The following FGF14 variants were observed in gnomAD, a reference collection of about 807,000 sequenced individuals.
The protein encoded by FGF14 is fibroblast growth factor 14, also known as fibroblast growth factor homologous factor 4.
Under a neutral mutation model 25.5 loss-of-function variants are expected in FGF14, and 5 were observed. The observed-to-expected ratio is 0.20, with a 90% CI of 0.10 to 0.41. The LOEUF is 0.41. Among genes scored for constraint, FGF14 ranks in the 10% least tolerant of loss-of-function variants. The probability of loss-of-function intolerance (pLI) is 1.00; values close to 1 mark genes in which losing one functional copy is unlikely to be tolerated. For synonymous variants in FGF14, 138 were observed against 118.3 expected (o/e 1.17, Z -1.08); for missense variants, 222 against 320.1 (o/e 0.69, Z 2.34).
intron 1 of FGF14, among the ~76,000 whole-genome samples, chr13:102,097,915 C>T (rs2044477421): frequency 6.6e-6 from 1 of 152,182 alleles, no homozygotes; most frequent in South Asian, 2.1e-4. Flanking sequence ...GCCCTGCTCC[C>T]ATTCGTCACC....
At chr13:101,761,404 A>G (rs1313366290) in intron 3 of FGF14, among the ~76,000 whole-genome samples, 1 of 152,162 alleles carries the variant, frequency 6.6e-6, no homozygotes, top group East Asian at 1.9e-4. Flanking sequence ...GGTATTTTAA[A>G]GACCACAGTG....
At chr13:102,300,528 C>G (rs2054976588) in intron 1 of FGF14, among the ~76,000 whole-genome samples, 2 of 152,116 alleles carry the variant, frequency 1.3e-5, no homozygotes, top group South Asian at 4.1e-4. Flanking sequence ...AAGAGCAAAA[C>G]TTCTACATAA....
In FGF14 at chr13:101,711,902, T is replaced by C. The variant is rs2034484936; in HGVS notation, c.*10929A>G. ...AAAACTCCTGCCAAGATCAGCCAGCTGTTCTCTGGCTAGGCTGGGTCTCAG... is the reference window on the plus strand; with the variant it reads ...AAAACTCCTGCCAAGATCAGCCAGCCGTTCTCTGGCTAGGCTGGGTCTCAG... On this transcript the variant is annotated 3_prime_UTR_variant, in exon 5 of 5. Coordinates refer to ENST00000376143, the MANE Select transcript of FGF14 (RefSeq NM_004115.4). The C allele has an allele frequency of 6.6e-6, 1 of 152,324 alleles. No homozygotes were observed. The highest frequency in any genetic ancestry group is 2.1e-4 in the South Asian group (1 of 4,834). The allele number at this position is 152,324 out of a possible 1,614,324, so 9.4% of individuals were successfully genotyped here. A position where few individuals can be genotyped will look rare whatever the true frequency, so the allele number is the denominator to read the frequency against.
intron 3 of FGF14, among the ~76,000 whole-genome samples, chr13:101,769,831 A>G (rs72660340): frequency 6.6e-6 from 1 of 152,166 alleles, no homozygotes; most frequent in Non-Finnish European, 1.5e-5. Context: ...GGCAGAGCAC[A>G]GAAGATTTTT....
At chr13:101,785,708 A>G (rs1594239728) in intron 3 of FGF14, among the ~76,000 whole-genome samples, 2 of 152,244 alleles carry the variant, frequency 1.3e-5, no homozygotes, top group African/African-American at 4.8e-5. Context: ...GCTCTATAGT[A>G]TTATATGTGT....
intron 1 of FGF14, among the ~76,000 whole-genome samples, chr13:102,048,032 G>T (rs1270053253): frequency 6.7e-6 from 1 of 148,546 alleles, no homozygotes; most frequent in Non-Finnish European, 1.5e-5. Flanking sequence ...AAAAAAAAAA[G>T]CAGCAGTTGA....
At chr13:101,967,273 T>C (rs550537655) in intron 1 of FGF14, among the ~76,000 whole-genome samples, 3 of 152,356 alleles carry the variant, frequency 2.0e-5, no homozygotes, top group Non-Finnish European at 4.4e-5. Context: ...TGAGTCAGAA[T>C]GTCTAAAGTC....
chr13:101,880,107 C>A (rs1389172450), intron 1 of FGF14, among the ~76,000 whole-genome samples: 3 of 152,186 alleles, frequency 2.0e-5, no homozygotes, highest in African/African-American at 7.2e-5. Flanking sequence ...CCTCTAGGAA[C>A]CTGGTTCCAG....
At chr13:102,108,457 C>T (rs546325) in intron 1 of FGF14, among the ~76,000 whole-genome samples, 107,127 of 152,066 alleles carry the variant, frequency 0.7, 38,049 homozygotes, top group African/African-American at 0.79. Context: ...TACGGGGAGA[C>T]GTGTTTAAAA....
intron 1 of FGF14, among the ~76,000 whole-genome samples, chr13:101,938,191 C>T (rs910816458): frequency 3.3e-5 from 5 of 152,204 alleles, no homozygotes; most frequent in African/African-American, 1.2e-4. Context: ...ATTTCACTCT[C>T]ATCTTGGAGA....
intron 3 of FGF14, among the ~76,000 whole-genome samples, chr13:101,839,251 G>A (rs1248365144): frequency 6.6e-6 from 1 of 152,060 alleles, no homozygotes; most frequent in African/African-American, 2.4e-5. Context: ...TGAATGCAAA[G>A]TTAGGGTCTC....
chr13:102,177,097 T>A (rs1313735028), intron 1 of FGF14, among the ~76,000 whole-genome samples: 1 of 152,210 alleles, frequency 6.6e-6, no homozygotes, highest in Non-Finnish European at 1.5e-5. Context: ...CTCAAGTGCT[T>A]GGATCTACTT....
rs142046338 is a variant in FGF14 at position 102,042,180 on chromosome 13, A to G, written c.209-166884T>C. Among the ~76,000 whole-genome samples, 307 of 152,324 alleles carry G rather than the reference A, an allele frequency of 2.0e-3. 2 individuals carry two copies. The highest frequency in any genetic ancestry group is 7.1e-3 in the African/African-American group (297 of 41,588). ...GATAGGAACTCCTATGTGGCATAAA[A>G]CATGGTAATGAGGCAGTCTGCATCT... is the stretch of plus-strand genomic sequence containing the variant. On this transcript the variant is annotated intron_variant, in intron 1 of 4. Transcript: ENST00000376131.
intron 1 of FGF14, among the ~76,000 whole-genome samples, chr13:102,223,183 G>A (rs762434028): frequency 1.3e-5 from 2 of 152,118 alleles, no homozygotes; most frequent in Non-Finnish European, 1.5e-5. Flanking sequence ...TAGTATGAGT[G>A]GGGGCAAGGG....
chr13:101,724,146 T>C (rs2035196376), intron 4 of FGF14, among the ~76,000 whole-genome samples: 1 of 152,010 alleles, frequency 6.6e-6, no homozygotes, highest in Non-Finnish European at 1.5e-5. Context: ...CTATTACTAA[T>C]TAAATTAGCA....
chr13:101,984,489 T>G (rs2038451158), intron 1 of FGF14, among the ~76,000 whole-genome samples: 1 of 152,212 alleles, frequency 6.6e-6, no homozygotes, highest in Non-Finnish European at 1.5e-5. Flanking sequence ...CTTTGAAAGT[T>G]GTTCATGTAT....
rs2044182518 is a variant in FGF14, at chr13:101,857,428, G to A, written c.408+11297C>T. Among the ~76,000 whole-genome samples the A allele has an allele frequency of 3.3e-5, 5 of 151,994 alleles. No homozygotes were observed. The South Asian group carries it at 1.0e-3, about 32-fold the overall frequency. On this transcript the variant is annotated intron_variant, in intron 3 of 4. Transcript: ENST00000376143. ...CTCATCTCTCTTTATTTAATATAGT[G>A]GAGTGGTCAAATCTTAAAACCAAGG... is the stretch of plus-strand genomic sequence containing the variant.
intron 1 of FGF14, among the ~76,000 whole-genome samples, chr13:102,398,366 C>T (rs1208298868): frequency 6.6e-6 from 1 of 152,054 alleles, no homozygotes; most frequent in Non-Finnish European, 1.5e-5. Context: ...TGAAATTCCA[C>T]GAATGCTTGA....
chr13:102,171,767 T>C (rs2048253555), intron 1 of FGF14, among the ~76,000 whole-genome samples: 2 of 152,068 alleles, frequency 1.3e-5, no homozygotes, highest in African/African-American at 4.8e-5. Flanking sequence ...TGCCAGTATT[T>C]TTATGAGAGC....
Sources: allele counts gnomAD v4.1 joint callset (sites outside exome capture counted in the v4.1 genomes callset), GRCh38; gene constraint gnomAD v4.1.1; transcripts MANE v1.5; gene names NCBI Gene and HGNC (gene_info 2026-07-23, HGNC 2026-07-21).